SEL1L2: variants seen among roughly 807,000 people sequenced by gnomAD.
SEL1L2 encodes SEL1L2 adaptor subunit of SYVN1 ubiquitin ligase, also known as protein sel-1 homolog 2.
In SEL1L2, 89 loss-of-function variants were observed where a neutral mutation model predicts 98.8. That is an observed-to-expected ratio of 0.90 (90% CI 0.76 to 1.07). SEL1L2 has a LOEUF of 1.07. Ranked by LOEUF, SEL1L2 falls within the 50% of genes least tolerant of loss-of-function variation. SEL1L2 has a pLI of 0.00. For missense variants in SEL1L2, 788 were observed against 812.0 expected, an observed-to-expected ratio of 0.97 and a Z score of 0.36; for synonymous variants, 262 against 278.5, an observed-to-expected ratio of 0.94 and a Z score of 0.59.
In SEL1L2 at chr20:13,878,367, G is replaced by A. The variant is rs558606023; in HGVS notation, c.958-779C>T. Among the ~76,000 whole-genome samples, 120 of 150,284 alleles carry A rather than the reference G, an allele frequency of 8.0e-4. 1 individual carries two copies. Among genetic ancestry groups the A allele is most frequent in the African/African-American group, 2.8e-3 (115 of 40,874 alleles). On this transcript the variant is annotated intron_variant, in intron 10 of 19. Transcript: ENST00000284951. ...CGCCCAGGCTGGAGTGCAGTGGCAC[G>A]ATCTCGGCTCACTGCAACCTCCATC...
rs140159388 is a variant in SEL1L2, at chr20:13,950,415, G to A, written c.114+5661C>T. On this transcript the variant is annotated intron_variant, in intron 2 of 19. Transcript: ENST00000284951. ...TTGGAAAAGATCCTGTGGTCCTGGG[G>A]TGATGAGGTATCAACTTTCAGCCAA... Among the ~76,000 whole-genome samples, 81 of 152,236 alleles carry A rather than the reference G, an allele frequency of 5.3e-4. 1 individual carries two copies. Among genetic ancestry groups the A allele is most frequent in the Non-Finnish European group, 8.4e-4 (57 of 68,020 alleles).
At chr20:13,970,998 G>A (rs1361295494) in intron 1 of SEL1L2, among the ~76,000 whole-genome samples, 1 of 151,042 alleles carries the variant, frequency 6.6e-6, no homozygotes, top group East Asian at 1.9e-4. Flanking sequence ...GATAATACTG[G>A]TGTCTCACTG....
At chr20:13,907,700 C>CTTTCTTTCTTTCTT (rs1328913961) in intron 5 of SEL1L2, among the ~76,000 whole-genome samples, 1 of 125,556 alleles carries the variant, frequency 8.0e-6, no homozygotes, top group African/African-American at 3.1e-5. Context: ...TTCTTTCTTT[C>CTTTCTTTCTTTCTT]TCTTTCTTTC....
intron 6 of SEL1L2, among the ~76,000 whole-genome samples, chr20:13,888,219 T>C (rs1161131261): frequency 2.0e-5 from 3 of 152,236 alleles, no homozygotes; most frequent in Non-Finnish European, 2.9e-5. Context: ...TTGTATAAGA[T>C]ATTTCATTTA....
intron 4 of SEL1L2, among the ~76,000 whole-genome samples, chr20:13,916,437 C>T (rs940863855): frequency 2.6e-5 from 4 of 152,116 alleles, no homozygotes; most frequent in African/African-American, 7.2e-5. Flanking sequence ...AGAACTTCAC[C>T]CAGCTTGCCC....
intron 1 of SEL1L2, among the ~76,000 whole-genome samples, chr20:13,968,568 C>A (rs905472016): frequency 1.6e-4 from 24 of 152,230 alleles, no homozygotes; most frequent in African/African-American, 5.8e-4. Flanking sequence ...GTGGCCTTTT[C>A]CCAATTTAGT....
chr20:13,926,509 G>C (rs2048913880), intron 3 of SEL1L2, among the ~76,000 whole-genome samples: 1 of 152,022 alleles, frequency 6.6e-6, no homozygotes, highest in African/African-American at 2.4e-5. Flanking sequence ...TCAGGTTAGG[G>C]TTAGATGATC....
At chr20:13,992,313 G>A (rs1451692479), upstream of SEL1L2, among the ~76,000 whole-genome samples, 2 of 152,060 alleles carry the variant, frequency 1.3e-5, no homozygotes, top group Admixed American at 1.3e-4. Context: ...AGACCAGCCT[G>A]GCCAACATGG....
intron 3 of SEL1L2, among the ~76,000 whole-genome samples, chr20:13,921,307 G>C (rs181389296): frequency 6.6e-6 from 1 of 152,260 alleles, no homozygotes; most frequent in East Asian, 1.9e-4. Flanking sequence ...GAGTAGCTGG[G>C]ACTACAGGTG....
intron 2 of SEL1L2, among the ~76,000 whole-genome samples, chr20:13,949,430 G>A (rs6074669): frequency 0.42 from 63,423 of 152,058 alleles, 13,560 homozygotes; most frequent in South Asian, 0.5. Flanking sequence ...CTTGGGAGGC[G>A]GAGGCAGGCG....
intron 12 of SEL1L2, among the ~76,000 whole-genome samples, chr20:13,874,476 T>C (rs148617968): frequency 9.2e-5 from 14 of 152,256 alleles, no homozygotes; most frequent in African/African-American, 3.4e-4. Flanking sequence ...TGCTGGTTGG[T>C]TCCACAACCC....
At chr20:13,904,196 T>C (rs2047814739) in intron 5 of SEL1L2, among the ~76,000 whole-genome samples, 1 of 152,228 alleles carries the variant, frequency 6.6e-6, no homozygotes, top group Non-Finnish European at 1.5e-5. Flanking sequence ...AAGCATAATT[T>C]GTGTCATTTA....
chr20:13,936,895 T>C (rs78513925), intron 2 of SEL1L2, among the ~76,000 whole-genome samples: 3,108 of 152,302 alleles, frequency 0.02, 120 homozygotes, highest in African/African-American at 0.069. Context: ...AAACCTTCAG[T>C]TCTCAGGAAG....
intron 9 of SEL1L2, 95 bp from the exon 10 acceptor site, chr20:13,885,498 TTGG>T: frequency 2.4e-6 from 2 of 818,718 alleles, no homozygotes; most frequent in Non-Finnish European, 2.1e-6. Flanking sequence ...ATGTTGATTG[TTGG>T]ACACGTTTGA....
chr20:13,916,562 T>C (rs2048411077), intron 4 of SEL1L2, among the ~76,000 whole-genome samples: 1 of 152,094 alleles, frequency 6.6e-6, no homozygotes, highest in Non-Finnish European at 1.5e-5. Context: ...TCCCAGCACT[T>C]TGAGAGGCTG....
At chr20:13,964,137 G>T (rs1483142594) in intron 1 of SEL1L2, among the ~76,000 whole-genome samples, 1 of 152,034 alleles carries the variant, frequency 6.6e-6, no homozygotes, top group Non-Finnish European at 1.5e-5. Flanking sequence ...GCCTCCCAAA[G>T]TGTTGGGGTT....
rs2046956415 is a variant in SEL1L2 at position 13,886,358 on chromosome 20, C to T, written c.830G>A (p.Ser277Asn). ...GTATATGTCCCAATCCAAAATCTCACTGTTAGAACTCAGATTTTCAGGTCT... is the reference window on the plus strand; with the variant it reads ...GTATATGTCCCAATCCAAAATCTCATTGTTAGAACTCAGATTTTCAGGTCT... ...TERPENLSSN[S>N]EILDWDIYQY... Residue 277 changes from serine (S) to asparagine (N), a missense_variant, in exon 9 of 20, where the codon AGT becomes AAT. By Grantham distance (46) the Ser-to-Asn change is conservative. Transcript: ENST00000284951. The T allele has an allele frequency of 1.2e-6, 2 of 1,613,328 alleles. No homozygotes were observed. Among genetic ancestry groups the T allele is most frequent in the Non-Finnish European group, 8.5e-7 (1 of 1,179,272 alleles).
intron 1 of SEL1L2, among the ~76,000 whole-genome samples, chr20:13,960,811 T>A (rs2050742892): frequency 6.6e-6 from 1 of 152,156 alleles, no homozygotes; most frequent in African/African-American, 2.4e-5. Context: ...AAATATTAGA[T>A]CTACTTGCCT....
chr20:13,865,264 T>C, intron 16 of SEL1L2, 23 bp from the exon 17 acceptor site: 2 of 1,611,438 alleles, frequency 1.2e-6, no homozygotes, highest in Non-Finnish European at 1.7e-6. Flanking sequence ...GACATTCCAT[T>C]AGGAAGGCTT....
Sources: gnomAD v4.1 joint callset for allele counts (sites outside exome capture counted in the v4.1 genomes callset) on GRCh38, gnomAD v4.1.1 for gene constraint, MANE v1.5 for transcripts, NCBI Gene and HGNC (gene_info 2026-07-23, HGNC 2026-07-21) for gene names.